The following RASGRF1 variants were observed in gnomAD, a reference collection of about 807,000 sequenced individuals.
The protein encoded by RASGRF1 is ras-specific guanine nucleotide-releasing factor 1.
RASGRF1 carries 40 observed loss-of-function variants against 138.7 expected under a neutral mutation model. The ratio of observed to expected loss-of-function variants is 0.29; its 90% CI spans 0.22 to 0.38. RASGRF1 has a LOEUF of 0.38. Ranked by LOEUF, RASGRF1 falls within the 10% of genes least tolerant of loss-of-function variation. RASGRF1 has a pLI of 1.00. For synonymous variants in RASGRF1, 614 were observed against 663.2 expected, an observed-to-expected ratio of 0.93 and a Z score of 1.14; for missense variants, 1,108 against 1,650.4, an observed-to-expected ratio of 0.67 and a Z score of 5.69.
At chr15:79,069,350 T>C (rs900392855) in intron 1 of RASGRF1, among the ~76,000 whole-genome samples, 1 of 152,198 alleles carries the variant, frequency 6.6e-6, no homozygotes, top group African/African-American at 2.4e-5. Context: ...ACTTGTGACA[T>C]CCCAGCCACA....
At chr15:79,079,203 C>G (rs1229661033) in intron 1 of RASGRF1, among the ~76,000 whole-genome samples, 3 of 152,206 alleles carry the variant, frequency 2.0e-5, no homozygotes, top group Non-Finnish European at 4.4e-5. Flanking sequence ...TTACACTTGG[C>G]TGGTCCTGCA....
intron 26 of RASGRF1, among the ~76,000 whole-genome samples, chr15:78,962,775 T>C (rs1228456044): frequency 6.6e-6 from 1 of 152,146 alleles, no homozygotes; most frequent in Non-Finnish European, 1.5e-5. Context: ...TCCAGTTACA[T>C]GTGAGGCTGA....
intron 13 of RASGRF1, among the ~76,000 whole-genome samples, chr15:79,015,120 A>C (rs78223756): frequency 0.13 from 19,120 of 151,970 alleles, 1,440 homozygotes; most frequent in Non-Finnish European, 0.16. Flanking sequence ...TAAAAAAAAA[A>C]CCCAAAAAAC....
chr15:79,069,915 C>T (rs1233117729), intron 1 of RASGRF1, among the ~76,000 whole-genome samples: 1 of 152,180 alleles, frequency 6.6e-6, no homozygotes, highest in Non-Finnish European at 1.5e-5. Context: ...CACTTTATGG[C>T]ACTTGCAGAA....
In RASGRF1 at chr15:78,967,604, G is replaced by A. The variant is rs2055668138; in HGVS notation, c.3681+4262C>T. Among the ~76,000 whole-genome samples the A allele has an allele frequency of 2.0e-5, 3 of 152,020 alleles. No homozygotes were observed. The South Asian group carries it at 6.2e-4, about 32-fold the overall frequency. On this transcript the variant is annotated intron_variant, in intron 26 of 26. Coordinates refer to ENST00000558480, the MANE Select transcript of RASGRF1 (RefSeq NM_001145648.3). ...TAAGTTAAAAAATGTGACCCTGTAG[G>A]ATACTTAAAGTTACATATGTAGCTT...
At chr15:79,044,432 G>C (rs2057333176) in intron 5 of RASGRF1, among the ~76,000 whole-genome samples, 1 of 152,162 alleles carries the variant, frequency 6.6e-6, no homozygotes, top group Non-Finnish European at 1.5e-5. Context: ...TGACCTGATG[G>C]TGGGGTTTGC....
intron 1 of RASGRF1, among the ~76,000 whole-genome samples, chr15:79,068,293 G>C (rs1354482169): frequency 1.2e-4 from 18 of 151,924 alleles, no homozygotes. Context: ...AGTTAATAGG[G>C]GGCAAGTGGC....
rs1263341388 is a variant in RASGRF1 at position 79,046,168 on chromosome 15, G to A, written c.878+578C>T. On this transcript the variant is annotated intron_variant, in intron 5 of 26. Transcript: ENST00000558480. This position sits in a 1 kb window ranked among gnomAD's most constrained non-coding sequence, Gnocchi z 5.3. ...CTTTGTAAGACATGTGGGTAGCGTGGTCCACAGCAGAACTCTAAGGCACCT... is the reference window on the plus strand; with the variant it reads ...CTTTGTAAGACATGTGGGTAGCGTGATCCACAGCAGAACTCTAAGGCACCT... Among the ~76,000 whole-genome samples, 1 of 152,150 alleles carries A rather than the reference G, an allele frequency of 6.6e-6. No homozygotes were observed. Among genetic ancestry groups the A allele is most frequent in the Non-Finnish European group, 1.5e-5 (1 of 68,028 alleles).
intron 8 of RASGRF1, among the ~76,000 whole-genome samples, chr15:79,030,144 G>A (rs771270216): frequency 2.0e-5 from 3 of 152,170 alleles, no homozygotes; most frequent in East Asian, 1.9e-4. Flanking sequence ...TGGAAGGATC[G>A]GGGGCAGCCT....
chr15:79,033,744 T>C (rs759387555), intron 6 of RASGRF1, among the ~76,000 whole-genome samples: 1 of 151,438 alleles, frequency 6.6e-6, no homozygotes, highest in Admixed American at 6.6e-5. Flanking sequence ...TGTGCACCAC[T>C]ACACCTGGCT....
chr15:79,046,806 G>A lies in RASGRF1; in HGVS notation c.818C>T (p.Ala273Val). 4 of 1,614,256 alleles carry A rather than the reference G, an allele frequency of 2.5e-6. No homozygotes were observed. Among genetic ancestry groups the A allele is most frequent in the Non-Finnish European group, 3.4e-6 (4 of 1,180,052 alleles). ...GATGGGAGGCTTCTTGGAGCTGGCG[G>A]CCATCCGCAGCGGGCGCAGGAAATT... is the stretch of plus-strand genomic sequence containing the variant. ...VNNFLRPLRMAASSKKPPITH... is the reference protein window; with the variant it reads ...VNNFLRPLRMVASSKKPPITH... Residue 273 changes from alanine to valine, a missense_variant, in exon 5 of 27, where the codon GCC (alanine) becomes GTC (valine). By Grantham distance (64) the Ala-to-Val change is moderately conservative. Coordinates refer to ENST00000558480, the MANE Select transcript of RASGRF1 (RefSeq NM_001145648.3). This position sits in a 1 kb window ranked among gnomAD's most constrained non-coding sequence, Gnocchi z 5.3.
Position 79,035,091 on chromosome 15 carries a change from G to C in RASGRF1, c.958+40C>G, listed in dbSNP as rs781020834. On this transcript the variant is annotated intron_variant, in intron 6 of 26. Transcript: ENST00000558480. Reference sequence around the variant, plus strand: ...AGGCTTTTGGGGTGGCCCCTGGAGGGGGACTTCTCTGGGGGCCGCAGTGAG... The same window carrying C: ...AGGCTTTTGGGGTGGCCCCTGGAGGCGGACTTCTCTGGGGGCCGCAGTGAG... 27 of 1,549,434 alleles carry C rather than the reference G, an allele frequency of 1.7e-5. 1 individual carries two copies. In the African/African-American group the frequency reaches 3.7e-4, roughly 21 times the overall value.
At position 78,961,779 on chromosome 15, in the gene RASGRF1, G is replaced by T. The variant is rs925135310; in HGVS notation, c.*365C>A. On this transcript the variant is annotated 3_prime_UTR_variant, in exon 27 of 27. Coordinates refer to ENST00000558480, the MANE Select transcript of RASGRF1 (RefSeq NM_001145648.3). ...TGGAACATGCTGGGAGGATGCCTGGGTGGCCACCTCAACCCAGGAGCCTGG... is the reference window on the plus strand; with the variant it reads ...TGGAACATGCTGGGAGGATGCCTGGTTGGCCACCTCAACCCAGGAGCCTGG... 2 of 160,398 alleles carry T rather than the reference G, an allele frequency of 1.2e-5. No homozygotes were observed. Among genetic ancestry groups the T allele is most frequent in the African/African-American group, 4.9e-5 (2 of 41,102 alleles). 9.9% of individuals were successfully genotyped at this position (160,398 alleles called of 1,614,324 possible).
intron 1 of RASGRF1, among the ~76,000 whole-genome samples, chr15:79,068,388 A>G (rs1337039833): frequency 6.6e-6 from 1 of 151,682 alleles, no homozygotes; most frequent in Non-Finnish European, 1.5e-5. Context: ...GGGGGCAACT[A>G]AGTCTCTTCC....
intron 22 of RASGRF1, among the ~76,000 whole-genome samples, chr15:78,987,116 A>C (rs914774383): frequency 2.0e-5 from 3 of 152,274 alleles, no homozygotes; most frequent in Non-Finnish European, 4.4e-5. Flanking sequence ...AAAATTACAC[A>C]CCCATTTGTT....
At chr15:79,004,790 C>T in intron 14 of RASGRF1, 1 of 985,530 alleles carries the variant, frequency 1.0e-6, no homozygotes, top group Non-Finnish European at 1.2e-6. Flanking sequence ...CAAACCATAG[C>T]TTGTCTCATC....
At chr15:78,991,487 T>C (rs539535436) in intron 21 of RASGRF1, among the ~76,000 whole-genome samples, 33 of 152,324 alleles carry the variant, frequency 2.2e-4, no homozygotes, top group African/African-American at 7.9e-4. Flanking sequence ...AAAGTGTGTG[T>C]GTGCAGCTGA....
In RASGRF1 at chr15:78,965,779, A is replaced by C. The variant is rs567505525; in HGVS notation, c.3682-3543T>G. On this transcript the variant is annotated intron_variant, in intron 26 of 26. Transcript: ENST00000558480. ...GGCTGGATAATCACTTGAACCTGGG[A>C]GGCAGAAGTTGCAGTGAGCCGAGAT... 3.9e-5 allele frequency among the ~76,000 whole-genome samples: 6 copies of C among 152,330 alleles called. 1 individual carries two copies. The South Asian group carries it at 1.2e-3, about 32-fold the overall frequency.
chr15:79,049,684 G>C, intron 3 of RASGRF1, 96 bp from the exon 4 acceptor site: 1 of 965,160 alleles, frequency 1.0e-6, no homozygotes, highest in Non-Finnish European at 1.5e-6. Flanking sequence ...TGGCAGCCGA[G>C]TGCCCTGCCT....
Sources: allele counts gnomAD v4.1 joint callset (sites outside exome capture counted in the v4.1 genomes callset), GRCh38; gene constraint gnomAD v4.1.1; non-coding constraint Gnocchi (gnomAD v3.1); transcripts MANE v1.5; gene names NCBI Gene and HGNC (gene_info 2026-07-23, HGNC 2026-07-21).